Variants in MAP3K7 observed in about 807,000 individuals in gnomAD.
The protein encoded by MAP3K7 is mitogen-activated protein kinase kinase kinase 7.
MAP3K7 carries 21 observed loss-of-function variants against 84.8 expected under a neutral mutation model. The ratio of observed to expected loss-of-function variants is 0.25; its 90% CI spans 0.18 to 0.36. MAP3K7 has a LOEUF of 0.36. Ranked by LOEUF, MAP3K7 falls within the 10% of genes least tolerant of loss-of-function variation. The probability of loss-of-function intolerance (pLI) is 1.00; values close to 1 mark genes in which losing one functional copy is unlikely to be tolerated. For synonymous variants in MAP3K7, 241 were observed against 247.7 expected (o/e 0.97, Z 0.25); for missense variants, 503 against 747.7 (o/e 0.67, Z 3.82).
chr6:90,583,130 G>A (rs780845824), intron 1 of MAP3K7, among the ~76,000 whole-genome samples: 48 of 152,036 alleles, frequency 3.2e-4, no homozygotes, highest in Non-Finnish European at 2.4e-4. Context: ...TGATCTGCCC[G>A]CACTGGCCCT....
chr6:90,523,736 T>G lies in MAP3K7; in HGVS notation c.1404A>C (p.Ser468=), dbSNP rs769390351. The change falls in exon 14 of 17, where the codon TCA becomes TCC. Residue 468 remains serine, a synonymous_variant. Transcript: ENST00000369329. Reference sequence around the variant, plus strand: ...GAGTTGGCTTTTCTGAGGTTGGTCCTGAGGTAGTAATCATTCTGACACTGG... The same window carrying G: ...GAGTTGGCTTTTCTGAGGTTGGTCCGGAGGTAGTAATCATTCTGACACTGG... The part of the protein sequence containing the change: ...SSPSVRMITT[S]GPTSEKPTRS... 7 of 1,613,404 alleles carry G rather than the reference T, an allele frequency of 4.3e-6. No individual in the cohort carries two copies. Among genetic ancestry groups the G allele is most frequent in the Middle Eastern group, 3.3e-4 (2 of 6,056 alleles).
chr6:90,586,254 C>A (rs1302614450), intron 1 of MAP3K7, among the ~76,000 whole-genome samples: 1 of 151,224 alleles, frequency 6.6e-6, no homozygotes, highest in Admixed American at 6.6e-5. Flanking sequence ...CGCCTGTAGT[C>A]CCAGCTACTC....
At chr6:90,540,190 A>T (rs1430352365) in intron 12 of MAP3K7, among the ~76,000 whole-genome samples, 1 of 151,898 alleles carries the variant, frequency 6.6e-6, no homozygotes, top group East Asian at 1.9e-4. Context: ...GCATATCCTT[A>T]AGAACAGTAT....
intron 12 of MAP3K7, chr6:90,542,231 T>A: frequency 1.0e-6 from 1 of 983,638 alleles, no homozygotes; most frequent in South Asian, 4.7e-5. Context: ...TATTTTTATA[T>A]TTAATTTAAA....
chr6:90,576,637 C>G (rs1462815242), intron 1 of MAP3K7, among the ~76,000 whole-genome samples: 1 of 152,080 alleles, frequency 6.6e-6, no homozygotes, highest in African/African-American at 2.4e-5. Flanking sequence ...TGTTTATATT[C>G]TTGTGGAAAA....
intron 1 of MAP3K7, among the ~76,000 whole-genome samples, chr6:90,581,041 C>G (rs1331103097): frequency 1.3e-5 from 2 of 151,976 alleles, no homozygotes; most frequent in Non-Finnish European, 2.9e-5. Context: ...CATTTCCATG[C>G]AACTACTATT....
At chr6:90,539,148 A>G (rs1775773522) in intron 12 of MAP3K7, among the ~76,000 whole-genome samples, 1 of 151,932 alleles carries the variant, frequency 6.6e-6, no homozygotes. Flanking sequence ...TTAGGCTGCC[A>G]AAGTTTCGTA....
At chr6:90,546,664 T>C (rs1776010407) in intron 11 of MAP3K7, among the ~76,000 whole-genome samples, 1 of 152,196 alleles carries the variant, frequency 6.6e-6, no homozygotes, top group Non-Finnish European at 1.5e-5. Context: ...GCTGACCAGT[T>C]CTTCCATGAT....
intron 11 of MAP3K7, 106 bp downstream of exon 11, chr6:90,547,152 A>T (rs908813330): frequency 5.9e-5 from 66 of 1,120,754 alleles, no homozygotes; most frequent in Admixed American, 4.6e-4. Flanking sequence ...CTTCCTATTT[A>T]AAAAAAAATA....
chr6:90,569,318 C>T (rs573673696), intron 2 of MAP3K7, among the ~76,000 whole-genome samples: 1 of 152,272 alleles, frequency 6.6e-6, no homozygotes, highest in South Asian at 2.1e-4. Context: ...ATTCCCACTG[C>T]CATTGCCTTA....
chr6:90,563,218 T>C (rs1776585711), intron 3 of MAP3K7, among the ~76,000 whole-genome samples: 2 of 152,174 alleles, frequency 1.3e-5, no homozygotes, highest in African/African-American at 4.8e-5. Flanking sequence ...GGATGGAGAA[T>C]GACTTTGATG....
intron 3 of MAP3K7, among the ~76,000 whole-genome samples, chr6:90,565,351 A>G (rs925899790): frequency 6.6e-6 from 1 of 152,212 alleles, no homozygotes; most frequent in Non-Finnish European, 1.5e-5. Context: ...GAAGAATCAA[A>G]TAGACACGAT....
intron 3 of MAP3K7, among the ~76,000 whole-genome samples, chr6:90,565,493 C>A (rs564424291): frequency 7.9e-4 from 121 of 152,250 alleles, no homozygotes; most frequent in African/African-American, 2.6e-3. Flanking sequence ...GACACATACA[C>A]CCTCCCAAGA....
chr6:90,539,637 C>T (rs1301272787), intron 12 of MAP3K7, among the ~76,000 whole-genome samples: 5 of 151,738 alleles, frequency 3.3e-5, no homozygotes, highest in Non-Finnish European at 5.9e-5. Context: ...AGTTACCGAC[C>T]GGCTCTTGAA....
intron 15 of MAP3K7, 68 bp downstream of exon 15, chr6:90,519,190 A>G: frequency 3.9e-6 from 4 of 1,028,168 alleles, no homozygotes; most frequent in Non-Finnish European, 6.0e-6. Context: ...ACAGGTAGCA[A>G]CACAATTGTC....
At chr6:90,565,503 A>G (rs1443685033) in intron 3 of MAP3K7, among the ~76,000 whole-genome samples, 1 of 152,198 alleles carries the variant, frequency 6.6e-6, no homozygotes, top group Non-Finnish European at 1.5e-5. Flanking sequence ...CCCTCCCAAG[A>G]CTAAACCAGG....
At chr6:90,585,803 T>A (rs562641006) in intron 1 of MAP3K7, among the ~76,000 whole-genome samples, 1 of 152,360 alleles carries the variant, frequency 6.6e-6, no homozygotes, top group South Asian at 2.1e-4. Flanking sequence ...TCATTCGTTA[T>A]CTCTTCAGAA....
At chr6:90,520,369 C>T (rs1378543993) in intron 14 of MAP3K7, among the ~76,000 whole-genome samples, 1 of 143,672 alleles carries the variant, frequency 7.0e-6, no homozygotes, top group East Asian at 2.0e-4. Flanking sequence ...ACTGATAATC[C>T]AGGTGTTTTT....
chr6:90,527,291 C>CTTG (rs1265856404), intron 13 of MAP3K7, among the ~76,000 whole-genome samples: 1 of 151,554 alleles, frequency 6.6e-6, no homozygotes, highest in Non-Finnish European at 1.5e-5. Context: ...GAGACAGGGT[C>CTTG]TTGTTCTCTT....
Sources: allele counts gnomAD v4.1 joint callset (sites outside exome capture counted in the v4.1 genomes callset), GRCh38; gene constraint gnomAD v4.1.1; transcripts MANE v1.5; gene names NCBI Gene and HGNC (gene_info 2026-07-23, HGNC 2026-07-21).